CROCC: variants seen among roughly 807,000 people sequenced by gnomAD.
CROCC encodes ciliary rootlet coiled-coil, rootletin, also known as rootletin.
In CROCC, 180 loss-of-function variants were observed where a neutral mutation model predicts 245.2. The ratio of observed to expected loss-of-function variants is 0.73; its 90% confidence interval spans 0.65 to 0.83. The LOEUF (loss-of-function observed/expected upper bound fraction) is 0.83. CROCC is among the 40% of genes least tolerant of loss of function. The probability of loss-of-function intolerance (pLI) is 0.00; values close to 1 mark genes in which losing one functional copy is unlikely to be tolerated. For synonymous variants in CROCC, 1,205 were observed against 1,241.6 expected, an observed-to-expected ratio of 0.97 and a Z score of 0.62; for missense variants, 2,688 against 2,779.4, an observed-to-expected ratio of 0.97 and a Z score of 0.74.
intron 13 of CROCC, chr1:16,941,492 G>T (rs866432344): frequency 6.6e-6 from 1 of 152,486 alleles, no homozygotes; most frequent in Non-Finnish European, 1.5e-5. Flanking sequence ...ACTTTGGAAG[G>T]CCAAGGCGGG....
intron 2 of CROCC, among the ~76,000 whole-genome samples, chr1:16,923,196 C>T (rs570161330): frequency 6.4e-4 from 97 of 152,296 alleles, no homozygotes; most frequent in African/African-American, 2.1e-3. Context: ...CCGTTTCCCA[C>T]GTGGGCAGGA....
rs2076504589 is a variant in CROCC at position 16,970,758 on chromosome 1, GC to G, written c.5776del (p.Gln1926SerfsTer68). 6.3e-7 allele frequency: 1 copy of G among 1,588,028 alleles called. No individual in the cohort carries two copies. Among genetic ancestry groups the G allele is most frequent in the Admixed American group, 1.8e-5 (1 of 55,336 alleles). On this transcript the variant is annotated frameshift_variant, in exon 35 of 37. Coordinates refer to ENST00000375541, the MANE Select transcript of CROCC (RefSeq NM_014675.5). LOFTEE classifies it high-confidence loss of function. ...TGGCAGAGGCGCAGAGGCAGATCCA[GC>G]AGCTGGAGGTCTGACCCCACCCAGT... ...ELAEAQRQIQ[Q>X]LEAQVVVLEQ...
chr1:16,958,714 G>T lies in CROCC; in HGVS notation c.3996G>T (p.Leu1332=). ...CCCTGGGCCTCCGGCAGAGGCTGCTGAAGGGCGAGGCCAGCCTGGAGGTGA... is the reference window on the plus strand; with the variant it reads ...CCCTGGGCCTCCGGCAGAGGCTGCTTAAGGGCGAGGCCAGCCTGGAGGTGA... ...RETLGLRQRL[L]KGEASLEVMR... Residue 1332 remains leucine (L), a synonymous_variant, in exon 26 of 37, where the codon CTG becomes CTT. Coordinates refer to ENST00000375541, the MANE Select transcript of CROCC (RefSeq NM_014675.5). The T allele has an allele frequency of 6.4e-7, 1 of 1,562,072 alleles. No individual in the cohort carries two copies. The highest frequency in any genetic ancestry group is 8.7e-7 in the Non-Finnish European group (1 of 1,154,022).
chr1:16,952,208 G>A (rs2076173489), intron 20 of CROCC, among the ~76,000 whole-genome samples: 2 of 143,202 alleles, frequency 1.4e-5, no homozygotes, highest in African/African-American at 5.1e-5. Flanking sequence ...CGGTTTGGCC[G>A]GTCGTGCTGA....
rs767033869 is a variant in CROCC at position 16,971,577 on chromosome 1, C to T, written c.5897C>T (p.Ala1966Val). 13 of 1,534,310 alleles carry T rather than the reference C, an allele frequency of 8.5e-6. No homozygotes were observed. Among genetic ancestry groups the T allele is most frequent in the Admixed American group, 3.9e-5 (2 of 50,828 alleles). The change falls in exon 36 of 37, where the codon GCG becomes GTG. Residue 1966 changes from alanine (A) to valine (V), a missense_variant. Physicochemically the swap from Ala to Val is moderately conservative, Grantham distance 64. Coordinates refer to ENST00000375541, the MANE Select transcript of CROCC (RefSeq NM_014675.5). Reference sequence around the variant, plus strand: ...GTGGAGCGGCTGCGCAGCGCCCAGGCGCAGACTGAGCGCACCCTGGAGGCT... The same window carrying T: ...GTGGAGCGGCTGCGCAGCGCCCAGGTGCAGACTGAGCGCACCCTGGAGGCT... Reference protein sequence around the residue: ...QEVERLRSAQAQTERTLEARE... With the variant: ...QEVERLRSAQVQTERTLEARE...
chr1:16,959,848 C>A (rs1251076699), intron 26 of CROCC, among the ~76,000 whole-genome samples: 1 of 152,114 alleles, frequency 6.6e-6, no homozygotes. Flanking sequence ...CAAGTGCAGC[C>A]CACAGCCCCC....
chr1:16,914,739 CA>C (rs33912654), intron 1 of CROCC, among the ~76,000 whole-genome samples: 129,233 of 152,128 alleles, frequency 0.85, 54,145 homozygotes, highest in East Asian at 0.89. Flanking sequence ...CTGGAGTGGG[CA>C]TTTTGAACGA....
Position 16,939,755 on chromosome 1 carries a change from C to G in CROCC, c.1609-139C>G, listed in dbSNP as rs1410588303. 32 of 1,061,856 alleles carry G rather than the reference C, an allele frequency of 3.0e-5. No homozygotes were observed. The African/African-American group carries it at 4.7e-4, about 15-fold the overall frequency. 65.8% of individuals were successfully genotyped at this position (1,061,856 alleles called of 1,614,324 possible). On this transcript the variant is annotated intron_variant, in intron 12 of 36. Coordinates refer to ENST00000375541, the MANE Select transcript of CROCC (RefSeq NM_014675.5). ...GGAAGCCTGGCTCTCAGGCCTAGGCCCCTATCCTGCCCCAGGCCAGGTCCA... is the reference window on the plus strand; with the variant it reads ...GGAAGCCTGGCTCTCAGGCCTAGGCGCCTATCCTGCCCCAGGCCAGGTCCA...
At chr1:16,955,774 G>A (rs1294508603) in intron 24 of CROCC, among the ~76,000 whole-genome samples, 4 of 152,076 alleles carry the variant, frequency 2.6e-5, no homozygotes, top group Admixed American at 1.3e-4. Flanking sequence ...CCCACCCACC[G>A]TCATCACCCT....
In CROCC at chr1:16,922,082, G is replaced by T. The variant is rs1361898416; in HGVS notation, c.60+4G>T. 1 of 1,544,998 alleles carries T rather than the reference G, an allele frequency of 6.5e-7. No individual in the cohort carries two copies. Among genetic ancestry groups the T allele is most frequent in the South Asian group, 1.2e-5 (1 of 82,830 alleles). ...GACACTAGAGACGGTTATCCAGGTG[G>T]GTCCTGGGGGCTGTGCCCACCCTGT... On this transcript the variant is annotated splice_donor_region_variant and intron_variant, in intron 1 of 36. Coordinates refer to ENST00000375541, the MANE Select transcript of CROCC (RefSeq NM_014675.5).
At chr1:16,940,327 C>G (rs1451800631) in intron 13 of CROCC, among the ~76,000 whole-genome samples, 2 of 151,620 alleles carry the variant, frequency 1.3e-5, no homozygotes, top group Admixed American at 6.6e-5. Context: ...GGGTTCACGC[C>G]ATTCTCCTGC....
At chr1:16,943,001 G>C (rs2075964969) in intron 13 of CROCC, among the ~76,000 whole-genome samples, 1 of 152,264 alleles carries the variant, frequency 6.6e-6, no homozygotes, top group Non-Finnish European at 1.5e-5. Context: ...CCAGCACTTT[G>C]GGAGGCCGAG....
intron 27 of CROCC, among the ~76,000 whole-genome samples, chr1:16,965,223 A>G (rs1475980719): frequency 6.6e-6 from 1 of 152,248 alleles, no homozygotes; most frequent in Non-Finnish European, 1.5e-5. Context: ...TGCCTAGCAC[A>G]GTGGGCACTC....
intron 24 of CROCC, 69 bp downstream of exon 24, chr1:16,955,619 C>T (rs776032297): frequency 2.3e-6 from 3 of 1,314,732 alleles, no homozygotes. Context: ...AACTTCACCC[C>T]CAACGTTCTG....
chr1:16,953,622 A>T, intron 21 of CROCC, 141 bp downstream of exon 21: 2 of 745,928 alleles, frequency 2.7e-6, no homozygotes, highest in Non-Finnish European at 4.2e-6. Flanking sequence ...TACCTGCAGG[A>T]GGGGAGGATT....
At chr1:16,923,220 C>T (rs1324388717) in intron 2 of CROCC, among the ~76,000 whole-genome samples, 1 of 152,294 alleles carries the variant, frequency 6.6e-6, no homozygotes, top group Non-Finnish European at 1.5e-5. Context: ...CGGATGGTCC[C>T]TGCTCCTCTC....
chr1:16,961,191 C>T (rs2076327675), intron 27 of CROCC, 61 bp downstream of exon 27: 9 of 1,248,440 alleles, frequency 7.2e-6, no homozygotes, highest in Admixed American at 4.3e-5. Context: ...GAGGCCCCGC[C>T]CCCACATGGC....
At chr1:16,959,362 G>A (rs1463226870) in intron 26 of CROCC, among the ~76,000 whole-genome samples, 1 of 152,108 alleles carries the variant, frequency 6.6e-6, no homozygotes, top group Non-Finnish European at 1.5e-5. Context: ...CAGAGAGGTC[G>A]AGGGATCTAC....
chr1:16,944,675 C>T (rs559009737), intron 14 of CROCC, among the ~76,000 whole-genome samples: 37 of 152,346 alleles, frequency 2.4e-4, no homozygotes, highest in African/African-American at 8.4e-4. Context: ...GACATAGAAG[C>T]GGTTATCTCC....
Sources: gnomAD v4.1 joint callset for allele counts (sites outside exome capture counted in the v4.1 genomes callset) on GRCh38, gnomAD v4.1.1 for gene constraint, MANE v1.5 for transcripts, NCBI Gene and HGNC (gene_info 2026-07-23, HGNC 2026-07-21) for gene names.